Variants in DHRSX observed in about 807,000 individuals in gnomAD.
The protein encoded by DHRSX is polyprenol dehydrogenase.
A neutral mutation model predicts 34.0 loss-of-function variants in DHRSX; 31 were observed. The observed-to-expected ratio is 0.91, with a 90% confidence interval of 0.69 to 1.23. The LOEUF (loss-of-function observed/expected upper bound fraction) is 1.23, where lower values mean the gene tolerates loss of function less well. Among genes scored for constraint, DHRSX ranks in the 50% most tolerant of loss-of-function variants. DHRSX has a pLI of 0.00. For synonymous variants in DHRSX, 201 were observed against 183.8 expected, an observed-to-expected ratio of 1.09 and a Z score of -0.76; for missense variants, 414 against 428.1, an observed-to-expected ratio of 0.97 and a Z score of 0.29.
In DHRSX at chrX:2,387,543, CTTTTCATGT is replaced by C. The variant is rs2043285853; in HGVS notation, c.286+21193_286+21201del. Reference sequence around the variant, plus strand: ...GGCTGGGAGGCTAGACCAGTCTAGTCTTTTCATGTTTTTCTGCCTGCTTATAGTCTAGCC... The same window carrying C: ...GGCTGGGAGGCTAGACCAGTCTAGTCTTTTCTGCCTGCTTATAGTCTAGCC... On this transcript the variant is annotated intron_variant, in intron 3 of 6. Coordinates refer to ENST00000334651, the MANE Select transcript of DHRSX (RefSeq NM_145177.3). 2.1e-4 allele frequency among the ~76,000 whole-genome samples: 32 copies of C among 152,140 alleles called. No homozygotes were observed. The South Asian group carries it at 6.4e-3, about 31-fold the overall frequency.
chrX:2,468,139 G>A (rs1308433481), intron 1 of DHRSX, among the ~76,000 whole-genome samples: 1 of 152,094 alleles, frequency 6.6e-6, no homozygotes, highest in Non-Finnish European at 1.5e-5. Context: ...TCTCTGATGC[G>A]ATGGGGGCAT....
rs189495642 is a variant in DHRSX, at chrX:2,433,720, C to A, written c.110-8416G>T. ...CCTTCCAGCTTCATCCATGTCCCTG[C>A]AAAGGACATGAACTCATCCTTTTTA... On this transcript the variant is annotated intron_variant, in intron 1 of 6. Coordinates refer to ENST00000334651, the MANE Select transcript of DHRSX (RefSeq NM_145177.3). Among the ~76,000 whole-genome samples the A allele has an allele frequency of 6.5e-3, 994 of 152,242 alleles. 14 individuals carry two copies. The highest frequency in any genetic ancestry group is 0.021 in the African/African-American group (862 of 41,552).
intron 4 of DHRSX, among the ~76,000 whole-genome samples, chrX:2,286,159 T>C (rs1455738096): frequency 6.6e-6 from 1 of 151,866 alleles, no homozygotes; most frequent in African/African-American, 2.4e-5. Flanking sequence ...AACTAAGGCA[T>C]GCAATAAATG....
intron 1 of DHRSX, among the ~76,000 whole-genome samples, chrX:2,453,231 G>T (rs1166172912): frequency 1.3e-5 from 2 of 152,098 alleles, no homozygotes; most frequent in African/African-American, 4.8e-5. Context: ...GTTTGTCAAA[G>T]AACACAAAAT....
At chrX:2,461,951 G>C (rs1390423844) in intron 1 of DHRSX, among the ~76,000 whole-genome samples, 1 of 152,162 alleles carries the variant, frequency 6.6e-6, no homozygotes, top group African/African-American at 2.4e-5. Flanking sequence ...GCCTCCCAAA[G>C]TGCTGGGATC....
chrX:2,427,865 C>T (rs2043868860), intron 1 of DHRSX, among the ~76,000 whole-genome samples: 1 of 152,042 alleles, frequency 6.6e-6, no homozygotes, highest in Non-Finnish European at 1.5e-5. Flanking sequence ...AAGTGTCCAC[C>T]ATCAGACAAT....
chrX:2,264,754 T>C (rs1336050794), intron 5 of DHRSX, among the ~76,000 whole-genome samples: 569 of 69,600 alleles, frequency 8.2e-3, no homozygotes, highest in Middle Eastern at 0.037. Context: ...ACACAGGGAG[T>C]ACCGTGCCCA....
At chrX:2,456,743 T>C (rs913722989) in intron 1 of DHRSX, among the ~76,000 whole-genome samples, 1 of 151,600 alleles carries the variant, frequency 6.6e-6, no homozygotes, top group Non-Finnish European at 1.5e-5. Flanking sequence ...CCTGTCATCC[T>C]CCCAAGTCTA....
At chrX:2,265,411 AGGGAGCAC>A (rs1460873687) in intron 5 of DHRSX, among the ~76,000 whole-genome samples, 18 of 134,228 alleles carry the variant, frequency 1.3e-4, no homozygotes, top group African/African-American at 4.0e-4. Context: ...CAGCAGACGC[AGGGAGCAC>A]TGTCCCCAGA....
intron 5 of DHRSX, among the ~76,000 whole-genome samples, chrX:2,257,199 C>T (rs2041291616): frequency 6.6e-6 from 1 of 152,222 alleles, no homozygotes; most frequent in African/African-American, 2.4e-5. Context: ...TGTGATCCAC[C>T]TGCCTCGGCC....
At chrX:2,467,281 T>C (rs989433391) in intron 1 of DHRSX, among the ~76,000 whole-genome samples, 1 of 152,072 alleles carries the variant, frequency 6.6e-6, no homozygotes, top group African/African-American at 2.4e-5. Flanking sequence ...CCCCGAGACC[T>C]AATAAGACAT....
chrX:2,307,799 A>AT (rs1172996970), intron 3 of DHRSX, among the ~76,000 whole-genome samples: 9 of 144,340 alleles, frequency 6.2e-5, no homozygotes, highest in African/African-American at 2.1e-4. Context: ...TAAAAAAAAT[A>AT]AAATAAAAAA....
chrX:2,271,474 C>T (rs1357342389), intron 4 of DHRSX, among the ~76,000 whole-genome samples: 1 of 152,192 alleles, frequency 6.6e-6, no homozygotes, highest in Non-Finnish European at 1.5e-5. Context: ...CTCACCTGCA[C>T]ACACTTTCCA....
chrX:2,360,312 T>TAC (rs2042913057), intron 3 of DHRSX, among the ~76,000 whole-genome samples: 1 of 152,012 alleles, frequency 6.6e-6, no homozygotes, highest in African/African-American at 2.4e-5. Context: ...GGGCCAGGCG[T>TAC]GGTGGCTCAC....
intron 1 of DHRSX, among the ~76,000 whole-genome samples, chrX:2,433,248 C>G (rs1314981582): frequency 2.0e-5 from 3 of 152,060 alleles, no homozygotes; most frequent in African/African-American, 7.2e-5. Context: ...CTAAAAAGTT[C>G]AACTCCAGAA....
At chrX:2,276,424 G>C (rs2041649733) in intron 4 of DHRSX, among the ~76,000 whole-genome samples, 1 of 152,172 alleles carries the variant, frequency 6.6e-6, no homozygotes, top group Non-Finnish European at 1.5e-5. Flanking sequence ...GAATCGAAAG[G>C]TGGAAAATAC....
rs758902362 is a variant in DHRSX, at chrX:2,356,494, T to C, written c.286+52251A>G. On this transcript the variant is annotated intron_variant, in intron 3 of 6. Transcript: ENST00000334651. The stretch of plus-strand genomic sequence containing the variant: ...CATGAAGTGATTGGAGAAAAGAACA[T>C]GAAAGAGAAGGAAACCAGTTGAGAG... Among the ~76,000 whole-genome samples, 4 of 152,114 alleles carry C rather than the reference T, an allele frequency of 2.6e-5. No homozygotes were observed. In the East Asian group the frequency reaches 5.8e-4, roughly 22 times the overall value.
chrX:2,313,298 G>A (rs907885231), intron 3 of DHRSX, among the ~76,000 whole-genome samples: 5 of 151,048 alleles, frequency 3.3e-5, no homozygotes, highest in Admixed American at 6.6e-5. Context: ...ATGAGCCACC[G>A]TACCTGGCCC....
intron 1 of DHRSX, among the ~76,000 whole-genome samples, chrX:2,448,051 A>C (rs774722729): frequency 6.6e-6 from 1 of 151,828 alleles, no homozygotes; most frequent in Non-Finnish European, 1.5e-5. Context: ...AAAAACAAAA[A>C]AATTAGCTGG....
Sources: allele counts gnomAD v4.1 joint callset (sites outside exome capture counted in the v4.1 genomes callset), GRCh38; gene constraint gnomAD v4.1.1; transcripts MANE v1.5; gene names NCBI Gene and HGNC (gene_info 2026-07-23, HGNC 2026-07-21).